SHISA9: variants seen among roughly 807,000 people sequenced by gnomAD.
SHISA9 encodes the protein shisa family member 9.
A neutral mutation model predicts 38.0 loss-of-function variants in SHISA9; 13 were observed. That is an observed-to-expected ratio of 0.34 (90% confidence interval 0.22 to 0.54). The LOEUF is 0.54. SHISA9 is among the 20% of genes least tolerant of loss of function. The pLI is 0.91. For missense variants in SHISA9, 538 were observed against 575.8 expected, an observed-to-expected ratio of 0.93 and a Z score of 0.67; for synonymous variants, 275 against 242.0, an observed-to-expected ratio of 1.14 and a Z score of -1.27.
chr16:13,491,068 T>G, the SHISA9 span, among the ~76,000 whole-genome samples: 1 of 152,218 alleles, frequency 6.6e-6, no homozygotes, highest in African/African-American at 2.4e-5. Context: ...GTTCACTGAA[T>G]CTTAAAAACC....
chr16:13,367,698 G>GCA, the SHISA9 span, among the ~76,000 whole-genome samples: 10 of 52,742 alleles, frequency 1.9e-4, no homozygotes, highest in Admixed American at 1.2e-3. Context: ...GCGTGTGCGT[G>GCA]CGCGCGCGCG....
chr16:13,035,754 C>A (rs1024293704), intron 2 of SHISA9, among the ~76,000 whole-genome samples: 2 of 152,206 alleles, frequency 1.3e-5, no homozygotes, highest in Non-Finnish European at 2.9e-5. Context: ...TGGCCTCAAA[C>A]TCCTGACCTC....
At chr16:13,274,310 A>G in the SHISA9 span, among the ~76,000 whole-genome samples, 1 of 152,050 alleles carries the variant, frequency 6.6e-6, no homozygotes, top group African/African-American at 2.4e-5. Flanking sequence ...GCTCTGGGTA[A>G]ATTTCCAGTT....
the SHISA9 span, among the ~76,000 whole-genome samples, chr16:13,342,870 C>T: frequency 6.6e-6 from 1 of 152,170 alleles, no homozygotes; most frequent in African/African-American, 2.4e-5. Flanking sequence ...GGGCTACACA[C>T]CTGAGCAGCT....
intron 2 of SHISA9, among the ~76,000 whole-genome samples, chr16:13,134,224 T>C (rs1333240843): frequency 6.6e-6 from 1 of 152,206 alleles, no homozygotes. Context: ...TTTTCTCACT[T>C]GTGAAATAGG....
At chr16:13,097,175 A>G (rs760681069) in intron 2 of SHISA9, among the ~76,000 whole-genome samples, 2 of 152,130 alleles carry the variant, frequency 1.3e-5, no homozygotes, top group African/African-American at 2.4e-5. Context: ...GAACCCCACA[A>G]TGGTCCTTGG....
chr16:13,516,671 G>T, the SHISA9 span, among the ~76,000 whole-genome samples: 2 of 151,962 alleles, frequency 1.3e-5, no homozygotes, highest in East Asian at 1.9e-4. Context: ...ATGGTGGCAG[G>T]CACCTGTAAT....
the SHISA9 span, among the ~76,000 whole-genome samples, chr16:13,333,790 G>A: frequency 6.6e-6 from 1 of 152,174 alleles, no homozygotes; most frequent in South Asian, 2.1e-4. Flanking sequence ...AAAAAGGGAG[G>A]GGGAAGTTGG....
At chr16:13,175,697 T>C (rs1354510263) in intron 2 of SHISA9, among the ~76,000 whole-genome samples, 2 of 152,204 alleles carry the variant, frequency 1.3e-5, no homozygotes, top group South Asian at 2.1e-4. Context: ...GGTGAGCACA[T>C]TGGGTGGGAT....
At chr16:13,177,589 C>T (rs569291337) in intron 2 of SHISA9, among the ~76,000 whole-genome samples, 2 of 151,994 alleles carry the variant, frequency 1.3e-5, no homozygotes, top group African/African-American at 2.4e-5. Context: ...TACGATTTTC[C>T]CTAACTGATA....
At chr16:12,936,061 G>GT (rs997318840) in intron 2 of SHISA9, among the ~76,000 whole-genome samples, 2 of 152,138 alleles carry the variant, frequency 1.3e-5, no homozygotes, top group African/African-American at 4.8e-5. Context: ...AGAAGTCCAG[G>GT]TAAGGGAATT....
intron 2 of SHISA9, among the ~76,000 whole-genome samples, chr16:13,147,960 C>T (rs773317032): frequency 2.0e-5 from 3 of 152,202 alleles, no homozygotes; most frequent in Non-Finnish European, 4.4e-5. Flanking sequence ...TAGTTAGGGA[C>T]TGAGGTCCGA....
downstream of SHISA9, among the ~76,000 whole-genome samples, chr16:13,244,530 A>T (rs187703350): frequency 7.2e-5 from 11 of 152,338 alleles, no homozygotes; most frequent in African/African-American, 2.6e-4. Flanking sequence ...CTTTATCATA[A>T]GCACACAGTG....
At chr16:13,297,530 G>A in the SHISA9 span, among the ~76,000 whole-genome samples, 1 of 152,188 alleles carries the variant, frequency 6.6e-6, no homozygotes, top group Non-Finnish European at 1.5e-5. Context: ...AGATACCTGA[G>A]TGATGTGAGA....
At chr16:13,027,045 C>G (rs1473555284) in intron 2 of SHISA9, among the ~76,000 whole-genome samples, 1 of 152,206 alleles carries the variant, frequency 6.6e-6, no homozygotes, top group East Asian at 1.9e-4. Context: ...ACCTCCCTCC[C>G]CCACTGCTGT....
chr16:12,915,987 T>G (rs1293801753), intron 1 of SHISA9, among the ~76,000 whole-genome samples: 4 of 72,278 alleles, frequency 5.5e-5, no homozygotes, highest in Non-Finnish European at 1.5e-4. Context: ...GAACACTGAG[T>G]TTTTTTTTTG....
chr16:13,542,741 A>C, the SHISA9 span, among the ~76,000 whole-genome samples: 1 of 152,252 alleles, frequency 6.6e-6, no homozygotes, highest in African/African-American at 2.4e-5. Flanking sequence ...CAAAATAAGC[A>C]ACTGAACTCA....
chr16:13,019,279 C>T (rs887272932), intron 2 of SHISA9, among the ~76,000 whole-genome samples: 1 of 152,138 alleles, frequency 6.6e-6, no homozygotes, highest in Non-Finnish European at 1.5e-5. Flanking sequence ...AGATTACAGA[C>T]GTGAGCCACC....
At chr16:13,175,387 A>G (rs1031359074) in intron 2 of SHISA9, among the ~76,000 whole-genome samples, 10 of 152,142 alleles carry the variant, frequency 6.6e-5, no homozygotes, top group African/African-American at 2.2e-4. Context: ...ATACAAATAA[A>G]ATAAAACAAA....
Sources: gnomAD v4.1 joint callset for allele counts (sites outside exome capture counted in the v4.1 genomes callset) on GRCh38, gnomAD v4.1.1 for gene constraint, MANE v1.5 for transcripts, NCBI Gene and HGNC (gene_info 2026-07-23, HGNC 2026-07-21) for gene names.